Variants in RTL1 observed in about 807,000 individuals in gnomAD.
RTL1 encodes the protein retrotransposon-like protein 1.
For synonymous variants in RTL1, 727 were observed against 748.4 expected, an observed-to-expected ratio of 0.97 and a Z score of 0.47; for missense variants, 1,681 against 1,767.5, an observed-to-expected ratio of 0.95 and a Z score of 0.88.
rs76984454 is a variant in RTL1 at position 100,893,752 on chromosome 14, G to A, written c.-148-247C>T. On this transcript the variant is annotated intron_variant, in intron 2 of 3. Coordinates refer to ENST00000649591, the MANE Select transcript of RTL1 (RefSeq NM_001134888.3). The surrounding 1 kb of genome is among the most constrained non-coding windows in gnomAD (Gnocchi z 4.2). ...TTTACAGGTTTTCACTCTTTCAATC[G>A]TTCTAAGAAGCTGCGAGGGCCTTCC... is the stretch of plus-strand genomic sequence containing the variant. 0.025 allele frequency among the ~76,000 whole-genome samples: 3,821 copies of A among 152,206 alleles called. 161 individuals carry two copies. Among genetic ancestry groups the A allele is most frequent in the African/African-American group, 0.086 (3,564 of 41,524 alleles).
rs1468081247 is a variant in RTL1 at position 100,882,849 on chromosome 14, A to G, written c.1940T>C (p.Ile647Thr). The change falls in exon 4 of 4, where the codon ATA (isoleucine) becomes ACA (threonine). Residue 647 changes from isoleucine (I) to threonine (T), a missense_variant. Physicochemically the swap from Ile to Thr is moderately conservative, Grantham distance 89. Transcript: ENST00000649591. ...QDMLTNRQDY[I>T]QMIPELFDQL... ...GTCAAACAGTTCCGGAATCATCTGT[A>G]TGTAGTCCTGTCTGTTGGTCAGCAT... The G allele has an allele frequency of 6.4e-7, 1 of 1,556,194 alleles. No individual in the cohort carries two copies.
At position 100,881,930 on chromosome 14, in the gene RTL1, A is replaced by G; in HGVS notation, c.2859T>C (p.Asp953=). ...GCCTGTCATTATTCAGAGAGGCTAG[A>G]TCCTCTGTGTTGAGAAGGATCATGA... ...EPIMILLNTE[D]LASLNNDRLT... The change falls in exon 4 of 4, where the codon GAT becomes GAC. Residue 953 remains aspartate (D), a synonymous_variant. Transcript: ENST00000649591. This position sits in a 1 kb window ranked among gnomAD's most constrained non-coding sequence, Gnocchi z 6.6. The G allele has an allele frequency of 6.2e-7, 1 of 1,613,604 alleles. No homozygotes were observed. Among genetic ancestry groups the G allele is most frequent in the Non-Finnish European group, 8.5e-7 (1 of 1,180,040 alleles).
rs769214025 is a variant in RTL1 at position 100,884,838 on chromosome 14, G to A, written c.-50C>T. 3 of 1,500,444 alleles carry A rather than the reference G, an allele frequency of 2.0e-6. No individual in the cohort carries two copies. The highest frequency in any genetic ancestry group is 2.7e-6 in the Non-Finnish European group (3 of 1,118,538). The allele number at this position is 1,500,444 out of a possible 1,614,324, so 92.9% of individuals were successfully genotyped here. On this transcript the variant is annotated 5_prime_UTR_variant, in exon 4 of 4. Transcript: ENST00000649591. ...TCTGAAGATTGGTAAGGTTGTGATG[G>A]CGTCCAGTCAGTAGCTGGGACCGTG...
chr14:100,902,540 T>C (rs1305433101), intron 2 of RTL1, among the ~76,000 whole-genome samples: 2 of 152,146 alleles, frequency 1.3e-5, no homozygotes, highest in Admixed American at 1.3e-4. Context: ...GAGAACGCTC[T>C]GTATGCAGCC....
chr14:100,884,360 T>A lies in RTL1; in HGVS notation c.429A>T (p.Glu143Asp). 6.4e-7 allele frequency: 1 copy of A among 1,562,952 alleles called. No individual in the cohort carries two copies. Among genetic ancestry groups the A allele is most frequent in the Non-Finnish European group, 8.7e-7 (1 of 1,152,226 alleles). ...CTTGAGGAGTCTCCTCCCTTCCCGA[T>A]TCCTTCAGGTCAGTGTGAGCCTCTT... The part of the protein sequence containing the change: ...EEQEAHTDLK[E>D]SGREETPQEQ... The change falls in exon 4 of 4, where the codon GAA becomes GAT. Residue 143 changes from glutamate to aspartate, a missense_variant. Physicochemically the swap from Glu to Asp is conservative, Grantham distance 45. Coordinates refer to ENST00000649591, the MANE Select transcript of RTL1 (RefSeq NM_001134888.3).
chr14:100,899,371 A>G (rs1246690916), intron 2 of RTL1, among the ~76,000 whole-genome samples: 4 of 152,228 alleles, frequency 2.6e-5, no homozygotes. Flanking sequence ...GGAGGAGGAC[A>G]TGTGATGACT....
chr14:100,881,952 A>G lies in RTL1; in HGVS notation c.2837T>C (p.Met946Thr). The change falls in exon 4 of 4, where the codon ATG becomes ACG. Residue 946 changes from methionine to threonine, a missense_variant. Coordinates refer to ENST00000649591, the MANE Select transcript of RTL1 (RefSeq NM_001134888.3). The surrounding 1 kb of genome is among the most constrained non-coding windows in gnomAD (Gnocchi z 6.6). ...RYLENTEEPI[M>T]ILLNTEDLAS... Reference sequence around the variant, plus strand: ...TAGATCCTCTGTGTTGAGAAGGATCATGATGGGCTCCTCGGTGTTCTCCAG... The same window carrying G: ...TAGATCCTCTGTGTTGAGAAGGATCGTGATGGGCTCCTCGGTGTTCTCCAG... The G allele has an allele frequency of 6.2e-7, 1 of 1,613,772 alleles. No individual in the cohort carries two copies. The highest frequency in any genetic ancestry group is 8.5e-7 in the Non-Finnish European group (1 of 1,180,026).
chr14:100,903,425 TTGAGG>T (rs779451068), intron 1 of RTL1, among the ~76,000 whole-genome samples, 39 bp from the exon 2 acceptor site: 24 of 152,130 alleles, frequency 1.6e-4, no homozygotes, highest in South Asian at 4.2e-4. Context: ...ACACTGGAAA[TTGAGG>T]TGATCAAGAG....
chr14:100,898,058 G>A (rs1198961650), intron 2 of RTL1: 1 of 457,892 alleles, frequency 2.2e-6, no homozygotes, highest in Non-Finnish European at 4.5e-6. Flanking sequence ...TCCACGGTAT[G>A]TATGCACCAT....
intron 3 of RTL1, among the ~76,000 whole-genome samples, chr14:100,886,796 A>G (rs550904097): frequency 2.7e-3 from 412 of 152,338 alleles, no homozygotes; most frequent in African/African-American, 9.3e-3. Context: ...TAAAAATCTC[A>G]GCATGTCTCT....
chr14:100,881,398 A>G lies in RTL1; in HGVS notation c.3391T>C (p.Ser1131Pro), dbSNP rs1459710029. ...QRSLRLILDS[S>P]LIAGSSITTA... ...GTGATGCTGCTGCCTGCGATGAGGGACGAATCCAGGATGAGTCGTAGGGAG... is the reference window on the plus strand; with the variant it reads ...GTGATGCTGCTGCCTGCGATGAGGGGCGAATCCAGGATGAGTCGTAGGGAG... The change falls in exon 4 of 4, where the codon TCC (serine) becomes CCC (proline). Residue 1131 changes from serine (S) to proline (P), a missense_variant. Physicochemically the swap from Ser to Pro is moderately conservative, Grantham distance 74. Transcript: ENST00000649591. The surrounding 1 kb of genome is among the most constrained non-coding windows in gnomAD (Gnocchi z 6.6). 1.3e-6 allele frequency: 2 copies of G among 1,550,538 alleles called. No homozygotes were observed. Among genetic ancestry groups the G allele is most frequent in the Non-Finnish European group, 1.7e-6 (2 of 1,146,946 alleles).
In RTL1 at chr14:100,883,726, G is replaced by C; in HGVS notation, c.1063C>G (p.Leu355Val). Residue 355 changes from leucine (L) to valine (V), a missense_variant, in exon 4 of 4, where the codon CTG becomes GTG. Leu to Val is a conservative substitution (Grantham distance 32). Transcript: ENST00000649591. The surrounding 1 kb of genome is among the most constrained non-coding windows in gnomAD (Gnocchi z 5.9). ...DSLDSLIVLI[L>V]QIEEKLAERR... ...TCTGCCAGCTTCTCTTCTATTTGCAGGATGAGCACAATCAGACTGTCTAGG... is the reference window on the plus strand; with the variant it reads ...TCTGCCAGCTTCTCTTCTATTTGCACGATGAGCACAATCAGACTGTCTAGG... The C allele has an allele frequency of 1.3e-6, 2 of 1,551,638 alleles. No homozygotes were observed. Among genetic ancestry groups the C allele is most frequent in the Non-Finnish European group, 1.7e-6 (2 of 1,146,990 alleles).
At chr14:100,884,919 G>C in intron 3 of RTL1, 45 bp from the exon 4 acceptor site, 1 of 824,072 alleles carries the variant, frequency 1.2e-6, no homozygotes, top group African/African-American at 1.7e-5. Flanking sequence ...AGTAGTTTAG[G>C]ATCTTGTGAA....
At chr14:100,891,969 G>A (rs1368234533) in intron 3 of RTL1, among the ~76,000 whole-genome samples, 1 of 152,196 alleles carries the variant, frequency 6.6e-6, no homozygotes, top group Non-Finnish European at 1.5e-5. Context: ...GGCCCAACAG[G>A]TGGAGCTCAG....
chr14:100,890,093 A>AAAAAAAAAT (rs2038750630), intron 3 of RTL1, among the ~76,000 whole-genome samples: 1 of 147,382 alleles, frequency 6.8e-6, no homozygotes, highest in Non-Finnish European at 1.5e-5. Context: ...AAAAAAAAAA[A>AAAAAAAAAT]GAAGCCCAGA....
At chr14:100,897,904 T>C (rs1468833456) in intron 2 of RTL1, 1 of 507,508 alleles carries the variant, frequency 2.0e-6, no homozygotes. Context: ...ATTAGCAAAA[T>C]AAAAGGGGGC....
At chr14:100,897,212 A>G (rs1257995691) in intron 2 of RTL1, among the ~76,000 whole-genome samples, 2 of 152,214 alleles carry the variant, frequency 1.3e-5, no homozygotes, top group African/African-American at 2.4e-5. Flanking sequence ...CTGGGCATGT[A>G]CCCACTCCCA....
chr14:100,881,488 C>A lies in RTL1; in HGVS notation c.3301G>T (p.Val1101Leu). The A allele has an allele frequency of 1.9e-6, 3 of 1,551,468 alleles. No homozygotes were observed. The highest frequency in any genetic ancestry group is 2.6e-6 in the Non-Finnish European group (3 of 1,146,980). Residue 1101 changes from valine to leucine, a missense_variant, in exon 4 of 4, where the codon GTG (valine) becomes TTG (leucine). Physicochemically the swap from Val to Leu is conservative, Grantham distance 32. Transcript: ENST00000649591. This position sits in a 1 kb window ranked among gnomAD's most constrained non-coding sequence, Gnocchi z 6.6. ...ALAAILVLLR[V>L]RQCLSLRPAP... is the part of the protein sequence containing the mutation. ...GGCCGCAGCGAGAGGCATTGCCTCA[C>A]GCGCAGTAGCACGAGGATGGCTGCC...
At chr14:100,892,137 G>T (rs1447225216) in intron 3 of RTL1, among the ~76,000 whole-genome samples, 3 of 152,204 alleles carry the variant, frequency 2.0e-5, no homozygotes, top group African/African-American at 7.2e-5. Flanking sequence ...AACCTGGGCT[G>T]GGAGGGGTGT....
Sources: allele counts gnomAD v4.1 joint callset (sites outside exome capture counted in the v4.1 genomes callset), GRCh38; gene constraint gnomAD v4.1.1; non-coding constraint Gnocchi (gnomAD v3.1); transcripts MANE v1.5; gene names NCBI Gene and HGNC (gene_info 2026-07-23, HGNC 2026-07-21).